The following ARHGEF3 variants were observed in gnomAD, a reference collection of about 807,000 sequenced individuals.
ARHGEF3 encodes 59.8 kDA protein.
ARHGEF3 carries 28 observed loss-of-function variants against 63.2 expected under a neutral mutation model. That is an observed-to-expected ratio of 0.44 (90% CI 0.33 to 0.61). The LOEUF (loss-of-function observed/expected upper bound fraction) is 0.61, where lower values mean the gene tolerates loss of function less well. Ranked by LOEUF, ARHGEF3 falls within the 20% of genes least tolerant of loss-of-function variation. The pLI is 0.03. For synonymous variants in ARHGEF3, 266 were observed against 254.2 expected (o/e 1.05, Z -0.44); for missense variants, 533 against 659.3 (o/e 0.81, Z 2.10).
intron 2 of ARHGEF3, among the ~76,000 whole-genome samples, chr3:56,978,695 A>G (rs1701213878): frequency 6.6e-6 from 1 of 152,242 alleles, no homozygotes; most frequent in African/African-American, 2.4e-5. Flanking sequence ...ATTTGACATC[A>G]TTTTCCAAGA....
intron 2 of ARHGEF3, among the ~76,000 whole-genome samples, chr3:56,979,469 C>T (rs1701245359): frequency 6.6e-6 from 1 of 152,230 alleles, no homozygotes; most frequent in African/African-American, 2.4e-5. Context: ...CCTCTTCCCC[C>T]AAGATGCCAC....
chr3:56,982,768 C>G (rs988682808), intron 2 of ARHGEF3, among the ~76,000 whole-genome samples: 1 of 152,148 alleles, frequency 6.6e-6, no homozygotes, highest in African/African-American at 2.4e-5. Context: ...TGTCTGCTGC[C>G]TTGGTCAGCA....
At chr3:56,769,762 T>C (rs1307145932) in intron 2 of ARHGEF3, among the ~76,000 whole-genome samples, 1 of 152,252 alleles carries the variant, frequency 6.6e-6, no homozygotes, top group Non-Finnish European at 1.5e-5. Flanking sequence ...TTAAGTCATC[T>C]CTTCTATAAT....
At chr3:56,753,971 T>A (rs566694494) in intron 3 of ARHGEF3, among the ~76,000 whole-genome samples, 1 of 152,236 alleles carries the variant, frequency 6.6e-6, no homozygotes, top group East Asian at 1.9e-4. Flanking sequence ...TATTATTAAC[T>A]GGGCCATCCC....
At chr3:56,787,683 C>G (rs190388114) in intron 1 of ARHGEF3, among the ~76,000 whole-genome samples, 1 of 151,826 alleles carries the variant, frequency 6.6e-6, no homozygotes, top group African/African-American at 2.4e-5. Context: ...CCCCGCCACC[C>G]CGACACTGGC....
chr3:56,990,080 T>G (rs1701691767), intron 2 of ARHGEF3, among the ~76,000 whole-genome samples: 1 of 152,218 alleles, frequency 6.6e-6, no homozygotes, highest in Non-Finnish European at 1.5e-5. Context: ...AAGGAAAGGC[T>G]CTGCCCCATC....
chr3:57,042,549 C>T (rs1313570707), intron 1 of ARHGEF3, among the ~76,000 whole-genome samples: 1 of 150,066 alleles, frequency 6.7e-6, no homozygotes, highest in Non-Finnish European at 1.5e-5. Context: ...AGTTTTACAC[C>T]ATGGAAATCA....
intron 3 of ARHGEF3, among the ~76,000 whole-genome samples, chr3:56,891,518 A>G (rs1205584784): frequency 6.6e-6 from 1 of 152,162 alleles, no homozygotes; most frequent in Non-Finnish European, 1.5e-5. Context: ...ATATGCAATT[A>G]TGTGCTCAGA....
chr3:56,746,142 C>A (rs1259237596), intron 6 of ARHGEF3, among the ~76,000 whole-genome samples: 2 of 152,204 alleles, frequency 1.3e-5, no homozygotes, highest in African/African-American at 4.8e-5. Context: ...GTGTTCTAAT[C>A]TAAGAGCTAT....
At chr3:56,929,203 G>C (rs537387246) in intron 3 of ARHGEF3, among the ~76,000 whole-genome samples, 1 of 152,232 alleles carries the variant, frequency 6.6e-6, no homozygotes, top group Admixed American at 6.5e-5. Flanking sequence ...CCCTGACTGT[G>C]GCCTCTTCTA....
At chr3:56,902,039 C>A (rs982907380) in intron 3 of ARHGEF3, among the ~76,000 whole-genome samples, 1 of 152,148 alleles carries the variant, frequency 6.6e-6, no homozygotes, top group Admixed American at 6.5e-5. Context: ...AACCTTCTTA[C>A]ACACTGAAAT....
chr3:56,933,378 G>T (rs2042462526), intron 3 of ARHGEF3, among the ~76,000 whole-genome samples: 1 of 150,660 alleles, frequency 6.6e-6, no homozygotes, highest in African/African-American at 2.4e-5. Flanking sequence ...CTATAAAATG[G>T]AAAAATGTTT....
chr3:57,042,692 A>T (rs1389847496), intron 1 of ARHGEF3, among the ~76,000 whole-genome samples: 11,807 of 23,574 alleles, frequency 0.5, 1,810 homozygotes, highest in East Asian at 0.57. Context: ...ATATATATAT[A>T]TATATATATT....
rs72294634 is a variant in ARHGEF3 at position 56,923,025 on chromosome 3, AATATATATATATATAT to A, written c.129+35782_129+35797del. Among the ~76,000 whole-genome samples the A allele has an allele frequency of 2.3e-3, 213 of 91,260 alleles. 5 individuals carry two copies. In the East Asian group the frequency reaches 0.035, roughly 15 times the overall value. 59.9% of individuals were successfully genotyped at this position (91,260 alleles called of 152,430 possible). A position where few individuals can be genotyped will look rare whatever the true frequency, so the allele number is the denominator to read the frequency against. On this transcript the variant is annotated intron_variant, in intron 3 of 12. Coordinates refer to the ARHGEF3 transcript ENST00000338458. ...AAATGGCAAAACCCCATCTCTACTA[AATATATATATATATAT>A]ATATATATATATATATATATATATA...
At chr3:56,847,947 G>A (rs1559989108) in intron 4 of ARHGEF3, among the ~76,000 whole-genome samples, 1 of 152,172 alleles carries the variant, frequency 6.6e-6, no homozygotes, top group Non-Finnish European at 1.5e-5. Flanking sequence ...ATGCACTGTG[G>A]TTAGGATGTG....
chr3:56,847,507 C>T (rs1031625915), intron 4 of ARHGEF3, among the ~76,000 whole-genome samples: 5 of 152,104 alleles, frequency 3.3e-5, no homozygotes, highest in Non-Finnish European at 5.9e-5. Flanking sequence ...TGGCATTATT[C>T]GAAAATAGTG....
intron 2 of ARHGEF3, among the ~76,000 whole-genome samples, chr3:56,973,879 G>A (rs1701023418): frequency 6.6e-6 from 1 of 152,150 alleles, no homozygotes; most frequent in Non-Finnish European, 1.5e-5. Context: ...ATTAAAATAT[G>A]AGCTCCAACC....
At chr3:56,891,181 TA>T (rs140569065) in intron 3 of ARHGEF3, among the ~76,000 whole-genome samples, 82,819 of 138,730 alleles carry the variant, frequency 0.6, 24,221 homozygotes, top group East Asian at 0.83. Context: ...TTTTAAAAAG[TA>T]AAAAAAAAAA....
At chr3:56,813,416 A>G (rs1278094451) in intron 4 of ARHGEF3, among the ~76,000 whole-genome samples, 1 of 152,144 alleles carries the variant, frequency 6.6e-6, no homozygotes, top group Non-Finnish European at 1.5e-5. Context: ...AAGGGAAAAA[A>G]TTCTGCAGAC....
Sources: allele counts gnomAD v4.1 joint callset (sites outside exome capture counted in the v4.1 genomes callset), GRCh38; gene constraint gnomAD v4.1.1; transcripts MANE v1.5; gene names NCBI Gene and HGNC (gene_info 2026-07-23, HGNC 2026-07-21).